The following WNK1 variants were observed in gnomAD, a reference collection of about 807,000 sequenced individuals.
WNK1 encodes the protein serine/threonine-protein kinase WNK1.
Under a neutral mutation model 222.8 loss-of-function variants are expected in WNK1, and 38 were observed. The ratio of observed to expected loss-of-function variants is 0.17; its 90% confidence interval spans 0.13 to 0.22. The LOEUF is 0.22. Among genes scored for constraint, WNK1 ranks in the 10% least tolerant of loss-of-function variants. WNK1 has a pLI of 1.00. For synonymous variants in WNK1, 1,090 were observed against 1,092.9 expected, an observed-to-expected ratio of 1.00 and a Z score of 0.05; for missense variants, 2,348 against 2,918.4, an observed-to-expected ratio of 0.80 and a Z score of 4.50.
At position 764,857 on chromosome 12, in the gene WNK1, C is replaced by G. The variant is rs192511569; in HGVS notation, c.759+10533C>G. On this transcript the variant is annotated intron_variant, in intron 1 of 27. Transcript: ENST00000315939. ...TCTAATACAATATCCACCAGCCTCA[C>G]GTGGCTATTTCGCTCTTGCCACCCA... Among the ~76,000 whole-genome samples, 190 of 147,638 alleles carry G rather than the reference C, an allele frequency of 1.3e-3. 2 individuals carry two copies. The highest frequency in any genetic ancestry group is 4.6e-3 in the African/African-American group (188 of 41,218).
chr12:881,640 T>G (rs1592156607), intron 12 of WNK1, 52 bp from the exon 13 acceptor site: 3 of 1,418,044 alleles, frequency 2.1e-6, no homozygotes, highest in East Asian at 4.5e-5. Context: ...TTGGGGATAG[T>G]GAATGATAAA....
In WNK1 at chr12:877,052, ATTTTTTTTTT is replaced by A. The variant is rs34011207; in HGVS notation, c.2224-1142_2224-1133del. Among the ~76,000 whole-genome samples, 6 of 77,102 alleles carry A rather than the reference ATTTTTTTTTT, an allele frequency of 7.8e-5. No individual in the cohort carries two copies. In the Admixed American group the frequency reaches 8.9e-4, roughly 11 times the overall value. 50.6% of individuals were successfully genotyped at this position (77,102 alleles called of 152,430 possible). A position where few individuals can be genotyped will look rare whatever the true frequency, so the allele number is the denominator to read the frequency against. On this transcript the variant is annotated intron_variant, in intron 9 of 27. Coordinates refer to ENST00000315939, the MANE Select transcript of WNK1 (RefSeq NM_018979.4). ...ATCTTGAAAGTCAGCCCTAAACTTC[ATTTTTTTTTT>A]TTTTTTTTTTTTTTTTTGGAGACAG...
chr12:859,508 A>G (rs72648674), intron 6 of WNK1, 44 bp downstream of exon 6: 55 of 1,461,390 alleles, frequency 3.8e-5, no homozygotes, highest in Non-Finnish European at 5.0e-5. Context: ...AGACTTATAT[A>G]TATCAATACT....
At chr12:845,244 TTAAC>T (rs1377762395) in intron 4 of WNK1, among the ~76,000 whole-genome samples, 1 of 152,190 alleles carries the variant, frequency 6.6e-6, no homozygotes, top group African/African-American at 2.4e-5. Flanking sequence ...GTTAGTAAAT[TTAAC>T]TAATTTTAAA....
chr12:851,541 C>G (rs1020505530), intron 4 of WNK1: 1 of 1,173,560 alleles, frequency 8.5e-7, no homozygotes, highest in African/African-American at 1.6e-5. Context: ...AAATTCCTGT[C>G]TGAGAGTTGG....
chr12:878,196 T>C lies in WNK1; in HGVS notation c.2224-16T>C, dbSNP rs2154079066. 1 of 1,614,038 alleles carries C rather than the reference T, an allele frequency of 6.2e-7. No homozygotes were observed. The stretch of plus-strand genomic sequence containing the variant: ...TTGATTTGAAATAAAACTGAATCAT[T>C]GTATTTTATTCTTAGCAGCAGGGAA... On this transcript the variant is annotated splice_polypyrimidine_tract_variant and intron_variant, in intron 9 of 27. Coordinates refer to ENST00000315939, the MANE Select transcript of WNK1 (RefSeq NM_018979.4).
At chr12:874,360 A>G (rs1952429664) in intron 9 of WNK1, among the ~76,000 whole-genome samples, 1 of 136,268 alleles carries the variant, frequency 7.3e-6, no homozygotes, top group South Asian at 2.3e-4. Context: ...CAGAGGTGAC[A>G]CTTCTCCCCA....
chr12:861,455 A>T, intron 7 of WNK1, 112 bp downstream of exon 7: 1 of 982,692 alleles, frequency 1.0e-6, no homozygotes, highest in South Asian at 1.4e-5. Flanking sequence ...TCCTACTATT[A>T]TACAAAATTT....
intron 1 of WNK1, among the ~76,000 whole-genome samples, chr12:778,355 C>T (rs377012886): frequency 6.0e-5 from 9 of 151,252 alleles, no homozygotes; most frequent in African/African-American, 1.9e-4. Flanking sequence ...TTTTCTGAGA[C>T]GGAGTCTCAC....
chr12:829,569 C>T (rs1948636003), intron 3 of WNK1, among the ~76,000 whole-genome samples: 1 of 152,262 alleles, frequency 6.6e-6, no homozygotes, highest in Admixed American at 6.5e-5. Flanking sequence ...TTAGTGGGCA[C>T]ACAAGTATTT....
At chr12:842,662 C>T (rs1375422881) in intron 4 of WNK1, among the ~76,000 whole-genome samples, 1 of 152,002 alleles carries the variant, frequency 6.6e-6, no homozygotes, top group Non-Finnish European at 1.5e-5. Context: ...TTTGTCAAGA[C>T]CCATCATTGT....
At position 908,547 on chromosome 12, in the gene WNK1, T is replaced by C; in HGVS notation, c.6904T>C (p.Ser2302Pro). Residue 2302 changes from serine to proline, a missense_variant, in exon 28 of 28, where the codon TCT (serine) becomes CCT (proline). Coordinates refer to ENST00000315939, the MANE Select transcript of WNK1 (RefSeq NM_018979.4). ...CISMTSNLGG[S>P]APISAASATS... is the part of the protein sequence containing the mutation. ...CTCCATGACCTCGAACCTGGGTGGC[T>C]CTGCCCCCATCTCTGCAGCATCAGC... 6.2e-7 allele frequency: 1 copy of C among 1,614,154 alleles called. No individual in the cohort carries two copies. Among genetic ancestry groups the C allele is most frequent in the Non-Finnish European group, 8.5e-7 (1 of 1,180,040 alleles).
intron 9 of WNK1, among the ~76,000 whole-genome samples, chr12:877,206 G>A (rs1223949861): frequency 6.6e-6 from 1 of 152,018 alleles, no homozygotes; most frequent in Non-Finnish European, 1.5e-5. Flanking sequence ...TGGGATTATA[G>A]ATATGTGCCA....
At chr12:901,701 G>T in intron 26 of WNK1, 2 of 1,091,740 alleles carry the variant, frequency 1.8e-6, no homozygotes, top group Non-Finnish European at 2.5e-6. Flanking sequence ...TCTGCTGCTT[G>T]GATCTGATGT....
intron 1 of WNK1, among the ~76,000 whole-genome samples, chr12:778,556 C>G (rs1368857256): frequency 6.6e-6 from 1 of 151,966 alleles, no homozygotes; most frequent in Non-Finnish European, 1.5e-5. Flanking sequence ...GCCTCAAACT[C>G]CTGACCTCAA....
Position 881,787 on chromosome 12 carries a change from C to T in WNK1, c.3207C>T (p.Asp1069=). The T allele has an allele frequency of 6.2e-7, 1 of 1,614,190 alleles. No homozygotes were observed. Among genetic ancestry groups the T allele is most frequent in the Non-Finnish European group, 8.5e-7 (1 of 1,180,012 alleles). ...TQPTTLASSV[D]SAHSDVASGM... ...CGACCACTTTGGCTTCCTCTGTAGA[C>T]AGGTACGTAAAACTAGAATTCTCCT... is the stretch of plus-strand genomic sequence containing the variant. The change falls in exon 13 of 28, where the codon GAC becomes GAT. Residue 1069 remains aspartate, a splice_region_variant and synonymous_variant. Transcript: ENST00000315939.
At position 896,569 on chromosome 12, in the gene WNK1, G is replaced by C. The variant is rs1440972534; in HGVS notation, c.6082G>C (p.Gly2028Arg). Reference protein sequence around the residue: ...FLSRDVDDGSGSPHSPHQLSS... With the variant: ...FLSRDVDDGSRSPHSPHQLSS... ...AAGTAGGGATGTGGATGATGGTTCC[G>C]GTAGTCCACACTCGCCCCATCAGCT... The change falls in exon 24 of 28, where the codon GGT (glycine) becomes CGT (arginine). Residue 2028 changes from glycine to arginine, a missense_variant. Physicochemically the swap from Gly to Arg is moderately radical, Grantham distance 125. Coordinates refer to ENST00000315939, the MANE Select transcript of WNK1 (RefSeq NM_018979.4). The C allele has an allele frequency of 6.2e-7, 1 of 1,612,472 alleles. No individual in the cohort carries two copies. The highest frequency in any genetic ancestry group is 8.5e-7 in the Non-Finnish European group (1 of 1,179,562).
chr12:848,712 A>C (rs1950209956), intron 4 of WNK1, among the ~76,000 whole-genome samples: 2 of 152,126 alleles, frequency 1.3e-5, no homozygotes, highest in Non-Finnish European at 2.9e-5. Context: ...GACACGATTG[A>C]AAGAAATAGG....
At chr12:757,309 C>CTG (rs1940209296) in intron 1 of WNK1, among the ~76,000 whole-genome samples, 1 of 83,596 alleles carries the variant, frequency 1.2e-5, no homozygotes, top group East Asian at 3.8e-4. Context: ...AGCATCAATT[C>CTG]TTTTTTTTTT....
Sources: allele counts gnomAD v4.1 joint callset (sites outside exome capture counted in the v4.1 genomes callset), GRCh38; gene constraint gnomAD v4.1.1; transcripts MANE v1.5; gene names NCBI Gene and HGNC (gene_info 2026-07-23, HGNC 2026-07-21).